The following SCUBE1 variants were observed in gnomAD, a reference collection of about 807,000 sequenced individuals.
The protein encoded by SCUBE1 is signal peptide, CUB and EGF-like domain-containing protein 1.
SCUBE1 carries 59 observed loss-of-function variants against 124.4 expected under a neutral mutation model. The observed-to-expected ratio is 0.47, with a 90% CI of 0.38 to 0.59. The LOEUF is 0.59. Ranked by LOEUF, SCUBE1 falls within the 20% of genes least tolerant of loss-of-function variation. SCUBE1 has a pLI of 0.00. For synonymous variants in SCUBE1, 545 were observed against 550.9 expected (o/e 0.99, Z 0.15); for missense variants, 1,150 against 1,371.2 (o/e 0.84, Z 2.55).
intron 4 of SCUBE1, among the ~76,000 whole-genome samples, chr22:43,274,444 G>C (rs571472747): frequency 4.3e-4 from 65 of 152,336 alleles, no homozygotes; most frequent in Non-Finnish European, 7.1e-4. Context: ...AGGAAGCCAT[G>C]GCGGACGGAC....
chr22:43,302,315 A>G (rs1189375103), intron 3 of SCUBE1, among the ~76,000 whole-genome samples: 3 of 152,180 alleles, frequency 2.0e-5, no homozygotes, highest in Non-Finnish European at 2.9e-5. Flanking sequence ...TGACATGAGG[A>G]CCAAAGTCTC....
At chr22:43,339,040 A>G in intron 2 of SCUBE1, 64 bp downstream of exon 2, 1 of 1,594,940 alleles carries the variant, frequency 6.3e-7, no homozygotes, top group Non-Finnish European at 8.6e-7. Flanking sequence ...TGGGGCAGGC[A>G]TCGGCCACCT....
At chr22:43,311,586 ATT>A (rs551808480) in intron 3 of SCUBE1, among the ~76,000 whole-genome samples, 1 of 143,492 alleles carries the variant, frequency 7.0e-6, no homozygotes, top group Non-Finnish European at 1.5e-5. Context: ...AAATCTGGCT[ATT>A]TTTTTTTTTT....
intron 3 of SCUBE1, among the ~76,000 whole-genome samples, chr22:43,314,725 G>A (rs772899017): frequency 1.3e-5 from 2 of 152,206 alleles, no homozygotes; most frequent in South Asian, 2.1e-4. Context: ...TCGTCATGGT[G>A]TGGGGTGGAG....
At chr22:43,338,976 G>T in intron 2 of SCUBE1, 128 bp downstream of exon 2, 2 of 1,085,848 alleles carry the variant, frequency 1.8e-6, no homozygotes, top group South Asian at 1.4e-5. Context: ...AGAAGCCTGT[G>T]CTGTCAGCAA....
intron 2 of SCUBE1, among the ~76,000 whole-genome samples, chr22:43,321,698 G>C (rs1460043693): frequency 6.6e-6 from 1 of 152,200 alleles, no homozygotes; most frequent in Non-Finnish European, 1.5e-5. Flanking sequence ...TCTGCCTATA[G>C]GGGCACCTGC....
chr22:43,214,266 C>T lies in SCUBE1; in HGVS notation c.1892-15G>A, dbSNP rs769543458. ...CCCACAGGCAACTGCAGAGGCAAAG[C>T]GGAGAGGCTGCTGGAGGCAGAGGTG... On this transcript the variant is annotated splice_polypyrimidine_tract_variant and intron_variant, in intron 15 of 21. Transcript: ENST00000360835. The T allele has an allele frequency of 6.8e-6, 11 of 1,606,972 alleles. No homozygotes were observed. Among genetic ancestry groups the T allele is most frequent in the Admixed American group, 3.4e-5 (2 of 59,644 alleles).
intron 4 of SCUBE1, among the ~76,000 whole-genome samples, chr22:43,272,191 A>C (rs1264333620): frequency 1.3e-5 from 2 of 152,058 alleles, no homozygotes; most frequent in Non-Finnish European, 2.9e-5. Context: ...ATGTAGGGGA[A>C]AGAGTTTATC....
chr22:43,258,426 G>T lies in SCUBE1; in HGVS notation c.611-91C>A, dbSNP rs952206079. 1 of 908,538 alleles carries T rather than the reference G, an allele frequency of 1.1e-6. No individual in the cohort carries two copies. The highest frequency in any genetic ancestry group is 1.8e-6 in the Non-Finnish European group (1 of 545,042). The allele number at this position is 908,538 out of a possible 1,614,324, so 56.3% of individuals were successfully genotyped here. On this transcript the variant is annotated intron_variant, in intron 5 of 21. Transcript: ENST00000360835. This position sits in a 1 kb window ranked among gnomAD's most constrained non-coding sequence, Gnocchi z 5.0. ...TGTTGGCGGCTGCCTTCAGGGTATG[G>T]GGAAACTGAGGCCTAAGGGCATCAG...
At position 43,334,414 on chromosome 22, in the gene SCUBE1, C is replaced by G. The variant is rs754700916; in HGVS notation, c.220+4690G>C. 2.6e-5 allele frequency among the ~76,000 whole-genome samples: 4 copies of G among 152,304 alleles called. No homozygotes were observed. The South Asian group carries it at 6.2e-4, about 24-fold the overall frequency. On this transcript the variant is annotated intron_variant, in intron 2 of 21. Transcript: ENST00000360835. Reference sequence around the variant, plus strand: ...GAACCAGAATACCTCATTTCCCAACCATTTTAGGTCCCAGGAATTGTTGGA... The same window carrying G: ...GAACCAGAATACCTCATTTCCCAACGATTTTAGGTCCCAGGAATTGTTGGA...
intron 4 of SCUBE1, among the ~76,000 whole-genome samples, chr22:43,278,892 G>A (rs1221847553): frequency 6.6e-6 from 1 of 152,148 alleles, no homozygotes; most frequent in African/African-American, 2.4e-5. Flanking sequence ...TGGGCCTGTC[G>A]AGGACACCTG....
At chr22:43,241,492 C>A (rs897218056) in intron 6 of SCUBE1, among the ~76,000 whole-genome samples, 2 of 152,018 alleles carry the variant, frequency 1.3e-5, no homozygotes, top group African/African-American at 2.4e-5. Flanking sequence ...TGGCTCCTTG[C>A]GGGCAGTGAC....
At chr22:43,331,492 G>A (rs1926901861) in intron 2 of SCUBE1, among the ~76,000 whole-genome samples, 1 of 152,174 alleles carries the variant, frequency 6.6e-6, no homozygotes, top group South Asian at 2.1e-4. Flanking sequence ...CATAGAAGGG[G>A]TGATGTGTAC....
rs73886535 is a variant in SCUBE1 at position 43,257,561 on chromosome 22, T to A, written c.727+658A>T. On this transcript the variant is annotated intron_variant, in intron 6 of 21. Transcript: ENST00000360835. ...TCAGATCAAGACTCCACGTGACAGG[T>A]GAGAGACGGGCTGGGGCAGCGGCGG... Among the ~76,000 whole-genome samples the A allele has an allele frequency of 8.2e-3, 1,241 of 152,116 alleles. 22 individuals are homozygous for A. Among genetic ancestry groups the A allele is most frequent in the African/African-American group, 0.029 (1,202 of 41,468 alleles).
At chr22:43,246,856 C>T (rs1923234635) in intron 6 of SCUBE1, among the ~76,000 whole-genome samples, 1 of 152,122 alleles carries the variant, frequency 6.6e-6, no homozygotes, top group Non-Finnish European at 1.5e-5. Flanking sequence ...ACCCTCCCAC[C>T]CTGTGACTTC....
At chr22:43,295,720 G>A (rs529509648) in intron 3 of SCUBE1, among the ~76,000 whole-genome samples, 2 of 152,298 alleles carry the variant, frequency 1.3e-5, no homozygotes, top group Admixed American at 1.3e-4. Context: ...TGTCCAGACC[G>A]AAGTTTTTCT....
chr22:43,293,259 G>T (rs548773903), intron 3 of SCUBE1, among the ~76,000 whole-genome samples: 44 of 152,246 alleles, frequency 2.9e-4, no homozygotes, highest in Non-Finnish European at 5.6e-4. Context: ...TGTGTTAGGC[G>T]CAGGCCCACG....
At chr22:43,248,627 A>G (rs556553316) in intron 6 of SCUBE1, among the ~76,000 whole-genome samples, 1 of 152,320 alleles carries the variant, frequency 6.6e-6, no homozygotes, top group South Asian at 2.1e-4. Context: ...CTTCTCTAAC[A>G]GGAGCCCAGT....
intron 4 of SCUBE1, among the ~76,000 whole-genome samples, chr22:43,279,291 G>A (rs969259299): frequency 6.6e-6 from 1 of 152,234 alleles, no homozygotes. Flanking sequence ...TCAGGCCCCA[G>A]AGGCAGGGTG....
Sources: allele counts gnomAD v4.1 joint callset (sites outside exome capture counted in the v4.1 genomes callset), GRCh38; gene constraint gnomAD v4.1.1; non-coding constraint Gnocchi (gnomAD v3.1); transcripts MANE v1.5; gene names NCBI Gene and HGNC (gene_info 2026-07-23, HGNC 2026-07-21).